ACYP2: variants seen among roughly 807,000 people sequenced by gnomAD.
ACYP2 encodes acylphosphatase 2.
Under a neutral mutation model 11.2 loss-of-function variants are expected in ACYP2, and 12 were observed. That is an observed-to-expected ratio of 1.08 (90% CI 0.69 to 1.74). ACYP2 has a LOEUF of 1.74. Among genes scored for constraint, ACYP2 ranks in the 40% most tolerant of loss-of-function variants. ACYP2 has a pLI of 0.00. For synonymous variants in ACYP2, 43 were observed against 32.2 expected (o/e 1.33, Z -1.13); for missense variants, 134 against 101.9 (o/e 1.31, Z -1.35).
intron 4 of ACYP2, 148 bp from the exon 2 acceptor site, chr2:54,135,305 G>T: frequency 3.1e-6 from 2 of 655,096 alleles, no homozygotes; most frequent in East Asian, 2.9e-5. Context: ...TAATATTGTA[G>T]GACCACAGTT....
chr2:54,178,171 G>T (rs1335424182), intron 6 of ACYP2, among the ~76,000 whole-genome samples: 1 of 151,826 alleles, frequency 6.6e-6, no homozygotes, highest in Non-Finnish European at 1.5e-5. Flanking sequence ...GATTTTTATT[G>T]GCCATGTATA....
At chr2:53,992,327 A>G (rs989801236) in intron 2 of ACYP2, among the ~76,000 whole-genome samples, 11 of 152,166 alleles carry the variant, frequency 7.2e-5, no homozygotes, top group Non-Finnish European at 1.5e-4. Flanking sequence ...ATGGAAACCT[A>G]TAGACAAGTT....
chr2:54,219,900 TATA>T (rs1304234212), intron 6 of ACYP2, among the ~76,000 whole-genome samples: 1 of 116,450 alleles, frequency 8.6e-6, no homozygotes, highest in Non-Finnish European at 1.7e-5. Context: ...TATATATATA[TATA>T]TATTTTTTTT....
intron 4 of ACYP2, among the ~76,000 whole-genome samples, chr2:54,078,052 C>G (rs1452939307): frequency 6.6e-6 from 1 of 151,668 alleles, no homozygotes; most frequent in Admixed American, 6.6e-5. Flanking sequence ...TCACTGCAAC[C>G]TCGGCCTCCC....
chr2:53,982,057 ATTT>A (rs1161040099), intron 2 of ACYP2, among the ~76,000 whole-genome samples: 1 of 152,168 alleles, frequency 6.6e-6, no homozygotes, highest in Non-Finnish European at 1.5e-5. Context: ...AAAGAGATGT[ATTT>A]TTTAATGGTA....
intron 2 of ACYP2, among the ~76,000 whole-genome samples, chr2:54,001,261 T>A (rs1457586164): frequency 6.6e-6 from 1 of 152,020 alleles, no homozygotes; most frequent in Non-Finnish European, 1.5e-5. Context: ...CTTGAGAGGC[T>A]AAGGTGGGAG....
chr2:53,975,885 A>T (rs940205810), intron 2 of ACYP2, among the ~76,000 whole-genome samples: 1 of 152,182 alleles, frequency 6.6e-6, no homozygotes, highest in African/African-American at 2.4e-5. Context: ...GGAGGGAGAC[A>T]CTGACTTCTT....
chr2:54,131,625 A>G (rs1680904201), intron 4 of ACYP2, among the ~76,000 whole-genome samples: 1 of 152,240 alleles, frequency 6.6e-6, no homozygotes, highest in Admixed American at 6.5e-5. Flanking sequence ...AGGTGAGGCA[A>G]CAATGACATG....
intron 6 of ACYP2, among the ~76,000 whole-genome samples, chr2:54,196,088 A>G (rs1684467990): frequency 6.6e-6 from 1 of 152,070 alleles, no homozygotes. Flanking sequence ...ATGAGCCACC[A>G]TGCCCGGCCC....
At chr2:54,243,199 CA>C (rs1309411324) in intron 6 of ACYP2, among the ~76,000 whole-genome samples, 2 of 152,068 alleles carry the variant, frequency 1.3e-5, no homozygotes, top group African/African-American at 2.4e-5. Context: ...ACTGGGGATA[CA>C]TTCTGAGAAA....
chr2:54,182,047 A>ATTTT lies in ACYP2; in HGVS notation c.404+43322_404+43325dup, dbSNP rs35145998. Among the ~76,000 whole-genome samples the ATTTT allele has an allele frequency of 3.6e-4, 30 of 83,068 alleles. 1 individual carries two copies. Among genetic ancestry groups the ATTTT allele is most frequent in the African/African-American group, 1.2e-3 (23 of 19,366 alleles). The allele number at this position is 83,068 out of a possible 152,430, so 54.5% of individuals were successfully genotyped here. On this transcript the variant is annotated intron_variant, in intron 6 of 6. Transcript: ENST00000607452. ...AAAGAAAACAGAAAAATAGAAGATAATTTTTTTTTTTTTTTTTTTTTTTTT... is the reference window on the plus strand; with the variant it reads ...AAAGAAAACAGAAAAATAGAAGATAATTTTTTTTTTTTTTTTTTTTTTTTTTTTT...
chr2:54,276,662 C>CACACCA (rs5831294), intron 6 of ACYP2, among the ~76,000 whole-genome samples: 56 of 132,220 alleles, frequency 4.2e-4, no homozygotes, highest in African/African-American at 1.3e-3. Flanking sequence ...CACACACACA[C>CACACCA]CACACACAAG....
chr2:53,997,494 G>T (rs887281187), intron 2 of ACYP2, among the ~76,000 whole-genome samples: 2 of 151,838 alleles, frequency 1.3e-5, no homozygotes, highest in Non-Finnish European at 2.9e-5. Context: ...TTAGTAGAGA[G>T]AGGGTTTCAC....
Position 54,130,212 on chromosome 2 carries a change from G to T in ACYP2, c.278-5241G>T, listed in dbSNP as rs189019343. Among the ~76,000 whole-genome samples, 4 of 152,218 alleles carry T rather than the reference G, an allele frequency of 2.6e-5. No homozygotes were observed. In the East Asian group the frequency reaches 7.7e-4, roughly 29 times the overall value. On this transcript the variant is annotated intron_variant, in intron 4 of 6. Transcript: ENST00000607452. ...TGTTGGGGAATATTTCTTTAAGGAG[G>T]TGACATTTGTATGGAGGGATAAATA... is the stretch of plus-strand genomic sequence containing the variant.
At chr2:54,063,897 A>G (rs553852509) in intron 4 of ACYP2, among the ~76,000 whole-genome samples, 1 of 152,282 alleles carries the variant, frequency 6.6e-6, no homozygotes, top group South Asian at 2.1e-4. Flanking sequence ...CTTCAGGGGA[A>G]ATATTTGAAG....
chr2:54,037,449 C>T (rs1674964823), intron 2 of ACYP2, among the ~76,000 whole-genome samples: 1 of 152,070 alleles, frequency 6.6e-6, no homozygotes, highest in Non-Finnish European at 1.5e-5. Context: ...CTTGCTCTGT[C>T]ACCCAGGCTG....
intron 6 of ACYP2, chr2:54,255,969 G>A (rs770350029): frequency 1.2e-6 from 2 of 1,614,110 alleles, no homozygotes; most frequent in Admixed American, 1.7e-5. Context: ...CGGGATCCTG[G>A]GGCGCGACCC....
At chr2:53,989,383 C>T (rs930450734) in intron 2 of ACYP2, among the ~76,000 whole-genome samples, 1 of 151,104 alleles carries the variant, frequency 6.6e-6, no homozygotes, top group Non-Finnish European at 1.5e-5. Context: ...AGCCACCATG[C>T]CCTGCCTGAC....
intron 6 of ACYP2, chr2:54,255,925 T>A: frequency 6.2e-7 from 1 of 1,614,068 alleles, no homozygotes; most frequent in Non-Finnish European, 8.5e-7. Context: ...GCGACCCGCA[T>A]CGACCAAGAT....
Sources: allele counts gnomAD v4.1 joint callset (sites outside exome capture counted in the v4.1 genomes callset), GRCh38; gene constraint gnomAD v4.1.1; transcripts MANE v1.5; gene names NCBI Gene and HGNC (gene_info 2026-07-23, HGNC 2026-07-21).